The following DCP2 variants were observed in gnomAD, a reference collection of about 807,000 sequenced individuals.
DCP2 encodes the protein m7GpppN-mRNA hydrolase.
Under a neutral mutation model 56.1 loss-of-function variants are expected in DCP2, and 30 were observed. The observed-to-expected ratio is 0.53, with a 90% CI of 0.40 to 0.73. The LOEUF (loss-of-function observed/expected upper bound fraction) is 0.73. Ranked by LOEUF, DCP2 falls within the 30% of genes least tolerant of loss-of-function variation. The pLI, the probability that DCP2 is intolerant of heterozygous loss-of-function variation, is 0.00. For missense variants in DCP2, 533 were observed against 502.7 expected, an observed-to-expected ratio of 1.06 and a Z score of -0.58; for synonymous variants, 197 against 163.3, an observed-to-expected ratio of 1.21 and a Z score of -1.57.
chr5:112,985,675 T>G (rs528062031), intron 1 of DCP2, among the ~76,000 whole-genome samples, 160 bp from the exon 2 acceptor site: 1 of 152,322 alleles, frequency 6.6e-6, no homozygotes, highest in South Asian at 2.1e-4. Flanking sequence ...AGACTCATCT[T>G]CCCTATAGTA....
chr5:112,997,486 T>C (rs75719352), intron 4 of DCP2, among the ~76,000 whole-genome samples: 12,206 of 152,330 alleles, frequency 0.08, 683 homozygotes, highest in Non-Finnish European at 0.13. Flanking sequence ...ATAGAATTAA[T>C]ACAAAGCAAC....
chr5:112,982,375 C>G (rs937903867), intron 1 of DCP2, among the ~76,000 whole-genome samples: 7 of 152,202 alleles, frequency 4.6e-5, no homozygotes, highest in Non-Finnish European at 7.3e-5. Flanking sequence ...TACTAGAATT[C>G]ACTTTCACAA....
At chr5:112,995,491 C>A (rs1342301030) in intron 4 of DCP2, among the ~76,000 whole-genome samples, 1 of 152,098 alleles carries the variant, frequency 6.6e-6, no homozygotes, top group African/African-American at 2.4e-5. Flanking sequence ...TTGTCCAGGT[C>A]AGGAAGAGGA....
chr5:112,978,230 C>T (rs567615374), intron 1 of DCP2, among the ~76,000 whole-genome samples: 2 of 152,328 alleles, frequency 1.3e-5, no homozygotes, highest in East Asian at 3.9e-4. Flanking sequence ...CCGCCTCGGC[C>T]TCCCAAAGTG....
chr5:113,009,135 G>A (rs907862108), intron 9 of DCP2, among the ~76,000 whole-genome samples: 5 of 152,122 alleles, frequency 3.3e-5, no homozygotes, highest in East Asian at 3.8e-4. Context: ...GTGAGCCACC[G>A]CTCCCGGCCG....
At position 112,985,857 on chromosome 5, in the gene DCP2, A is replaced by G; in HGVS notation, c.76A>G (p.Ser26Gly). The change falls in exon 2 of 11, where the codon AGC (serine) becomes GGC (glycine). Residue 26 changes from serine (S) to glycine (G), a missense_variant. By Grantham distance (56) the Ser-to-Gly change is moderately conservative. Coordinates refer to ENST00000389063, the MANE Select transcript of DCP2 (RefSeq NM_152624.6). The stretch of plus-strand genomic sequence containing the variant: ...CAGCCGATTTATTTTGCATATTCCC[A>G]GCGAGGAAAGAGACAATGCAATCCG... ...LCSRFILHIP[S>G]EERDNAIRVC... The G allele has an allele frequency of 2.5e-6, 4 of 1,606,502 alleles. No homozygotes were observed. Among genetic ancestry groups the G allele is most frequent in the Non-Finnish European group, 3.4e-6 (4 of 1,173,658 alleles).
rs564141995 is a variant in DCP2 at position 113,018,870 on chromosome 5, T to A, written c.*5386T>A. On this transcript the variant is annotated 3_prime_UTR_variant, in exon 11 of 11. Transcript: ENST00000389063. ...GCCACAGACTTGCAAGCAGTGATTT[T>A]ATCTTTCCTTCCTGAGAAGGTGATC... is the stretch of plus-strand genomic sequence containing the variant. 3 of 152,358 alleles carry A rather than the reference T, an allele frequency of 2.0e-5. No homozygotes were observed. The highest frequency in any genetic ancestry group is 7.2e-5 in the African/African-American group (3 of 41,582). 9.4% of individuals were successfully genotyped at this position (152,358 alleles called of 1,614,324 possible).
At position 112,985,940 on chromosome 5, in the gene DCP2, C is replaced by T; in HGVS notation, c.159C>T (p.Asn53=). ...HWFYLDFYMQ[N]TPGLPQCGIR... ...TTTACTTGGATTTCTACATGCAGAA[C>T]ACACCAGGATTACCTCAGTGTGGGA... The change falls in exon 2 of 11, where the codon AAC becomes AAT. Residue 53 remains asparagine, a synonymous_variant. Transcript: ENST00000389063. The T allele has an allele frequency of 6.2e-7, 1 of 1,603,650 alleles. No homozygotes were observed. The highest frequency in any genetic ancestry group is 8.5e-7 in the Non-Finnish European group (1 of 1,171,940).
intron 4 of DCP2, among the ~76,000 whole-genome samples, chr5:112,994,084 A>G (rs1021589349): frequency 2.6e-5 from 4 of 151,008 alleles, no homozygotes; most frequent in Non-Finnish European, 4.4e-5. Flanking sequence ...GACACGAGCC[A>G]CCGTGCTTGA....
intron 8 of DCP2, among the ~76,000 whole-genome samples, chr5:113,007,425 T>G (rs933145692): frequency 1.3e-5 from 2 of 149,314 alleles, no homozygotes; most frequent in Non-Finnish European, 3.0e-5. Flanking sequence ...GAAAAAGAGA[T>G]AGTCTCCCTC....
chr5:113,017,181 T>C lies in DCP2; in HGVS notation c.*3697T>C, dbSNP rs1428269322. On this transcript the variant is annotated 3_prime_UTR_variant, in exon 11 of 11. Transcript: ENST00000389063. ...CAGTATTTTCTTTGTATGTTAATCA[T>C]AGTTATAGTAAAGTCAGACTCATTA... 6.6e-6 allele frequency: 1 copy of C among 152,232 alleles called. No individual in the cohort carries two copies. The highest frequency in any genetic ancestry group is 1.5e-5 in the Non-Finnish European group (1 of 68,052). The allele number at this position is 152,232 out of a possible 1,614,324, so 9.4% of individuals were successfully genotyped here. A position where few individuals can be genotyped will look rare whatever the true frequency, so the allele number is the denominator to read the frequency against.
In DCP2 at chr5:112,987,620, C is replaced by CTTTTTTTTTTTTTTTT. The variant is rs562254738; in HGVS notation, c.205+1644_205+1659dup. 2.2e-3 allele frequency among the ~76,000 whole-genome samples: 150 copies of CTTTTTTTTTTTTTTTT among 69,738 alleles called. 1 individual carries two copies. The highest frequency in any genetic ancestry group is 2.7e-3 in the African/African-American group (44 of 16,036). The allele number at this position is 69,738 out of a possible 152,430, so 45.8% of individuals were successfully genotyped here. A position where few individuals can be genotyped will look rare whatever the true frequency, so the allele number is the denominator to read the frequency against. ...GGTGCAAGCCACCACACCTAGGTGCCTTTTTTTTTTTTTTTTTTTTTTTTT... is the reference window on the plus strand; with the variant it reads ...GGTGCAAGCCACCACACCTAGGTGCCTTTTTTTTTTTTTTTTTTTTTTTTTTTTTTTTTTTTTTTTT... On this transcript the variant is annotated intron_variant, in intron 2 of 10. Coordinates refer to ENST00000389063, the MANE Select transcript of DCP2 (RefSeq NM_152624.6).
chr5:112,977,029 T>A, intron 1 of DCP2, 43 bp downstream of exon 1: 1 of 1,457,394 alleles, frequency 6.9e-7, no homozygotes. Context: ...TCGGGTTTTC[T>A]CAGTTTCGCG....
rs144025307 is a variant in DCP2 at position 112,992,137 on chromosome 5, G to A, written c.222G>A (p.Pro74=). 121 of 1,613,786 alleles carry A rather than the reference G, an allele frequency of 7.5e-5. No homozygotes were observed. The highest frequency in any genetic ancestry group is 3.3e-4 in the Admixed American group (20 of 59,950). The change falls in exon 3 of 11, where the codon CCG becomes CCA. Residue 74 remains proline (P), a synonymous_variant. Coordinates refer to ENST00000389063, the MANE Select transcript of DCP2 (RefSeq NM_152624.6). ...DFAKAVFSHC[P]FLLPQGEDVE... ...TATTTATACTCTTCAGTCATTGTCC[G>A]TTTTTGCTGCCTCAAGGTGAAGATG...
intron 1 of DCP2, chr5:112,984,703 A>AAAAATATATATATATATAT: frequency 4.0e-4 from 26 of 64,852 alleles, no homozygotes; most frequent in Non-Finnish European, 5.7e-4. Flanking sequence ...AAAAAAAAAA[A>AAAAATATATATATATATAT]ATATATATAT....
At chr5:112,979,945 T>C (rs1229110395) in intron 1 of DCP2, among the ~76,000 whole-genome samples, 2 of 152,172 alleles carry the variant, frequency 1.3e-5, no homozygotes, top group Admixed American at 1.3e-4. Context: ...CGAAAGAATA[T>C]GCGCCAAACT....
Position 113,013,492 on chromosome 5 carries a change from A to C in DCP2, c.*8A>C. 1 of 1,613,706 alleles carries C rather than the reference A, an allele frequency of 6.2e-7. No individual in the cohort carries two copies. Among genetic ancestry groups the C allele is most frequent in the Non-Finnish European group, 8.5e-7 (1 of 1,179,790 alleles). On this transcript the variant is annotated 3_prime_UTR_variant, in exon 11 of 11. Coordinates refer to ENST00000389063, the MANE Select transcript of DCP2 (RefSeq NM_152624.6). ...AAAATCTTGGACCTTTGATAGCAGCACATGTATTGTAAATGTCCCAGGATC... is the reference window on the plus strand; with the variant it reads ...AAAATCTTGGACCTTTGATAGCAGCCCATGTATTGTAAATGTCCCAGGATC...
chr5:112,979,491 C>T (rs1228697422), intron 1 of DCP2, among the ~76,000 whole-genome samples: 1 of 151,992 alleles, frequency 6.6e-6, no homozygotes, highest in African/African-American at 2.4e-5. Context: ...TTATGTACGT[C>T]TTGATTTATG....
At chr5:112,995,875 T>G (rs931165241) in intron 4 of DCP2, among the ~76,000 whole-genome samples, 2 of 152,320 alleles carry the variant, frequency 1.3e-5, no homozygotes, top group Non-Finnish European at 2.9e-5. Flanking sequence ...TTGCAACGGT[T>G]CTAGACGCTG....
Sources: allele counts gnomAD v4.1 joint callset (sites outside exome capture counted in the v4.1 genomes callset), GRCh38; gene constraint gnomAD v4.1.1; transcripts MANE v1.5; gene names NCBI Gene and HGNC (gene_info 2026-07-23, HGNC 2026-07-21).